The following GRM7 variants were observed in gnomAD, a reference collection of about 807,000 sequenced individuals.
GRM7 encodes the protein metabotropic glutamate receptor 7.
A neutral mutation model predicts 84.5 loss-of-function variants in GRM7; 35 were observed. The observed-to-expected ratio is 0.41, with a 90% CI of 0.32 to 0.55. GRM7 has a LOEUF of 0.55. Ranked by LOEUF, GRM7 falls within the 20% of genes least tolerant of loss-of-function variation. GRM7 has a pLI of 0.19. For synonymous variants in GRM7, 487 were observed against 455.1 expected, an observed-to-expected ratio of 1.07 and a Z score of -0.89; for missense variants, 1,003 against 1,194.6, an observed-to-expected ratio of 0.84 and a Z score of 2.36.
intron 8 of GRM7, chr3:7,636,369 A>G (rs574905053): frequency 2.9e-5 from 13 of 452,234 alleles, no homozygotes; most frequent in East Asian, 2.1e-4. Context: ...TATTTTCCTG[A>G]GCATCTAATG....
intron 5 of GRM7, among the ~76,000 whole-genome samples, chr3:7,420,326 C>G (rs987687180): frequency 1.2e-4 from 19 of 152,016 alleles, no homozygotes; most frequent in African/African-American, 4.6e-4. Context: ...CTGAATTGAC[C>G]TTTAATTGTC....
At chr3:7,547,197 T>C (rs967393387) in intron 7 of GRM7, among the ~76,000 whole-genome samples, 1 of 78,220 alleles carries the variant, frequency 1.3e-5, no homozygotes, top group East Asian at 2.8e-4. Flanking sequence ...GTGAATTCTT[T>C]TTTTTTTTTT....
chr3:7,195,437 G>T (rs1335428281), intron 2 of GRM7, among the ~76,000 whole-genome samples: 1 of 152,088 alleles, frequency 6.6e-6, no homozygotes, highest in East Asian at 1.9e-4. Flanking sequence ...GAAAAGAAAT[G>T]AATGATTTTC....
At chr3:7,036,663 T>C (rs966000467) in intron 1 of GRM7, among the ~76,000 whole-genome samples, 1 of 152,230 alleles carries the variant, frequency 6.6e-6, no homozygotes, top group African/African-American at 2.4e-5. Flanking sequence ...TCAGTTTCAC[T>C]GATTGAATAG....
chr3:6,973,660 A>G (rs1405614994), intron 1 of GRM7, among the ~76,000 whole-genome samples: 2 of 152,176 alleles, frequency 1.3e-5, no homozygotes, highest in East Asian at 3.9e-4. Flanking sequence ...GATTCAAGAG[A>G]CTTACTGCAG....
intron 2 of GRM7, among the ~76,000 whole-genome samples, chr3:7,289,998 A>C (rs988895497): frequency 2.0e-5 from 3 of 151,790 alleles, no homozygotes. Flanking sequence ...CCTAGAACTT[A>C]AAGTATAATA....
At chr3:6,950,049 C>G (rs947465567) in intron 1 of GRM7, among the ~76,000 whole-genome samples, 5 of 152,226 alleles carry the variant, frequency 3.3e-5, no homozygotes, top group Non-Finnish European at 7.3e-5. Flanking sequence ...GCCTTCCTCT[C>G]TCAACTCATC....
chr3:7,153,865 A>G (rs1694364144), intron 2 of GRM7, among the ~76,000 whole-genome samples: 1 of 152,188 alleles, frequency 6.6e-6, no homozygotes, highest in Non-Finnish European at 1.5e-5. Context: ...ACATATTTAG[A>G]GTAATGAACA....
At chr3:7,450,636 G>A (rs1697726358) in intron 5 of GRM7, among the ~76,000 whole-genome samples, 1 of 152,082 alleles carries the variant, frequency 6.6e-6, no homozygotes, top group African/African-American at 2.4e-5. Flanking sequence ...AGAGATTTAA[G>A]AGTGTCAAGG....
intron 8 of GRM7, among the ~76,000 whole-genome samples, chr3:7,639,231 T>C (rs1698249921): frequency 6.6e-6 from 1 of 152,170 alleles, no homozygotes; most frequent in Admixed American, 6.6e-5. Flanking sequence ...TCTCTAGAGT[T>C]TAATACATTT....
chr3:7,237,729 G>T (rs1477424582), intron 2 of GRM7, among the ~76,000 whole-genome samples: 1 of 152,154 alleles, frequency 6.6e-6, no homozygotes, highest in African/African-American at 2.4e-5. Context: ...CCACAGCGTG[G>T]AAGTGGACCC....
intron 1 of GRM7, among the ~76,000 whole-genome samples, chr3:6,897,259 G>A (rs919991387): frequency 2.0e-5 from 3 of 152,150 alleles, no homozygotes; most frequent in Non-Finnish European, 4.4e-5. Flanking sequence ...AGTTCTCAAA[G>A]TGTGGTACTC....
chr3:7,550,142 A>G (rs17047584), intron 7 of GRM7, among the ~76,000 whole-genome samples: 2 of 151,260 alleles, frequency 1.3e-5, no homozygotes, highest in Non-Finnish European at 1.5e-5. Flanking sequence ...TGTCCATGTA[A>G]GTGCAGAGAG....
At chr3:7,124,370 G>A (rs1350176723) in intron 1 of GRM7, among the ~76,000 whole-genome samples, 1 of 152,144 alleles carries the variant, frequency 6.6e-6, no homozygotes, top group African/African-American at 2.4e-5. Flanking sequence ...GACAGGCATG[G>A]TGGCTCACGC....
At chr3:6,954,500 C>T (rs1347146702) in intron 1 of GRM7, among the ~76,000 whole-genome samples, 1 of 152,140 alleles carries the variant, frequency 6.6e-6, no homozygotes, top group African/African-American at 2.4e-5. Context: ...GTCTGAACAC[C>T]TGTAACTGAA....
At chr3:7,229,759 A>ATTTTTTTTTTTT (rs1200808989) in intron 2 of GRM7, among the ~76,000 whole-genome samples, 4 of 30,438 alleles carry the variant, frequency 1.3e-4, no homozygotes, top group African/African-American at 3.8e-4. Context: ...ATATATATAT[A>ATTTTTTTTTTTT]TTTTTTTTTT....
At chr3:7,686,360 G>A in intron 9 of GRM7, 2 of 1,339,630 alleles carry the variant, frequency 1.5e-6, no homozygotes, top group Middle Eastern at 1.8e-4. Context: ...CCTGTAGACT[G>A]TATACCACCA....
At chr3:7,693,597 G>C in intron 9 of GRM7, 1 of 1,366,322 alleles carries the variant, frequency 7.3e-7, no homozygotes, top group East Asian at 2.5e-5. Flanking sequence ...GTTTGCCAAA[G>C]TCCAGACTGA....
intron 1 of GRM7, among the ~76,000 whole-genome samples, chr3:7,109,300 G>C (rs1692762764): frequency 6.6e-6 from 1 of 152,090 alleles, no homozygotes; most frequent in Admixed American, 6.6e-5. Flanking sequence ...AGTATAAAAA[G>C]AGTCAGAAGC....
Sources: gnomAD v4.1 joint callset for allele counts (sites outside exome capture counted in the v4.1 genomes callset) on GRCh38, gnomAD v4.1.1 for gene constraint, MANE v1.5 for transcripts, NCBI Gene and HGNC (gene_info 2026-07-23, HGNC 2026-07-21) for gene names.